Variants in ARSK observed in about 807,000 individuals in gnomAD.
ARSK encodes the protein arylsulfatase K.
In ARSK, 37 loss-of-function variants were observed where a neutral mutation model predicts 53.2. The ratio of observed to expected loss-of-function variants is 0.70; its 90% CI spans 0.54 to 0.92. ARSK has a LOEUF of 0.92. Among genes scored for constraint, ARSK ranks in the 40% least tolerant of loss-of-function variants. The pLI, the probability that ARSK is intolerant of heterozygous loss-of-function variation, is 0.00. For synonymous variants in ARSK, 208 were observed against 223.2 expected, an observed-to-expected ratio of 0.93 and a Z score of 0.61; for missense variants, 613 against 643.0, an observed-to-expected ratio of 0.95 and a Z score of 0.51.
intron 6 of ARSK, among the ~76,000 whole-genome samples, chr5:95,597,251 A>C (rs938687283): frequency 6.6e-6 from 1 of 152,198 alleles, no homozygotes; most frequent in South Asian, 2.1e-4. Context: ...CACTTAAAAG[A>C]TAAGTCTAGA....
At chr5:95,566,469 C>T (rs917592478) in intron 2 of ARSK, among the ~76,000 whole-genome samples, 8 of 152,190 alleles carry the variant, frequency 5.3e-5, no homozygotes, top group Admixed American at 1.3e-4. Flanking sequence ...TTTTCAGTAA[C>T]GGTATAGGTA....
intron 3 of ARSK, among the ~76,000 whole-genome samples, chr5:95,575,511 G>T (rs1748910748): frequency 6.6e-6 from 1 of 152,126 alleles, no homozygotes; most frequent in Non-Finnish European, 1.5e-5. Context: ...CATGAACATG[G>T]AATATCTTTT....
chr5:95,596,054 CTT>C (rs1169682401), intron 6 of ARSK, among the ~76,000 whole-genome samples: 1 of 152,148 alleles, frequency 6.6e-6, no homozygotes, highest in Non-Finnish European at 1.5e-5. Flanking sequence ...TGAGGCTACT[CTT>C]TATTTAACAG....
chr5:95,561,483 T>A (rs1290854312), intron 1 of ARSK, among the ~76,000 whole-genome samples: 1 of 152,246 alleles, frequency 6.6e-6, no homozygotes, highest in African/African-American at 2.4e-5. Context: ...ATAATGTTCA[T>A]TATACATAAT....
intron 4 of ARSK, among the ~76,000 whole-genome samples, chr5:95,584,574 G>A (rs1749077231): frequency 6.6e-6 from 1 of 152,104 alleles, no homozygotes; most frequent in South Asian, 2.1e-4. Flanking sequence ...AAAAGCCTCT[G>A]CACAGCAAAA....
At position 95,567,997 on chromosome 5, in the gene ARSK, C is replaced by T. The variant is rs773350114; in HGVS notation, c.364C>T (p.Arg122Ter). Residue 122 changes from arginine (R) to a stop codon, truncating the protein, a stop_gained, in exon 3 of 8, where the codon CGA (arginine) becomes TGA (stop). Coordinates refer to ENST00000380009, the MANE Select transcript of ARSK (RefSeq NM_198150.3). LOFTEE classifies it high-confidence loss of function. ...WMDVMERHGY[R>*]TQKFGKLDYT... ...GGATGTCATGGAGAGGCATGGCTAC[C>T]GAACACAGAAATTTGGGAAACTGGA... 1.2e-5 allele frequency: 20 copies of T among 1,613,444 alleles called. No homozygotes were observed. The East Asian group carries it at 1.8e-4, about 14-fold the overall frequency.
At chr5:95,570,902 C>T (rs766937557) in intron 3 of ARSK, among the ~76,000 whole-genome samples, 4 of 152,084 alleles carry the variant, frequency 2.6e-5, no homozygotes, top group Non-Finnish European at 4.4e-5. Context: ...CTGCCTCAGC[C>T]TCCTGAGTAG....
intron 5 of ARSK, 128 bp downstream of exon 5, chr5:95,586,861 C>A: frequency 1.4e-6 from 1 of 691,938 alleles, no homozygotes; most frequent in Non-Finnish European, 2.2e-6. Flanking sequence ...TGACACTTAT[C>A]AAAACTTGAT....
intron 6 of ARSK, among the ~76,000 whole-genome samples, chr5:95,597,100 C>G (rs1183377375): frequency 6.6e-6 from 1 of 151,882 alleles, no homozygotes; most frequent in East Asian, 1.9e-4. Flanking sequence ...TCTCTAATAC[C>G]TGGTATCAGC....
chr5:95,593,995 C>A (rs1250547937), intron 6 of ARSK, among the ~76,000 whole-genome samples: 1 of 152,114 alleles, frequency 6.6e-6, no homozygotes, highest in African/African-American at 2.4e-5. Flanking sequence ...GAAATAAAGT[C>A]AAAAATAAAT....
chr5:95,572,933 T>C (rs895391409), intron 3 of ARSK, among the ~76,000 whole-genome samples: 4 of 152,170 alleles, frequency 2.6e-5, no homozygotes, highest in Non-Finnish European at 5.9e-5. Context: ...TTTGACAATG[T>C]CTGGAGACAT....
rs1561357390 is a variant in ARSK, at chr5:95,555,227, G to T, written c.-52G>T. Reference sequence around the variant, plus strand: ...TGCCCTGCTCTGCTAGGGAGAGAACGCCAGAGGGAGGCGGCTGGCCCGGCG... The same window carrying T: ...TGCCCTGCTCTGCTAGGGAGAGAACTCCAGAGGGAGGCGGCTGGCCCGGCG... On this transcript the variant is annotated 5_prime_UTR_variant, in exon 1 of 8. Coordinates refer to ENST00000380009, the MANE Select transcript of ARSK (RefSeq NM_198150.3). The surrounding 1 kb of genome is among the most constrained non-coding windows in gnomAD (Gnocchi z 4.0). The T allele has an allele frequency of 3.3e-6, 5 of 1,526,372 alleles. No individual in the cohort carries two copies. Among genetic ancestry groups the T allele is most frequent in the Non-Finnish European group, 4.4e-6 (5 of 1,132,948 alleles). The allele number at this position is 1,526,372 out of a possible 1,614,324, so 94.6% of individuals were successfully genotyped here.
chr5:95,566,247 A>G, intron 2 of ARSK, 120 bp downstream of exon 2: 1 of 1,246,824 alleles, frequency 8.0e-7, no homozygotes, highest in Non-Finnish European at 1.1e-6. Context: ...AATTGTTTTA[A>G]TATAAAAGAT....
In ARSK at chr5:95,556,401, A is replaced by AT. The variant is rs796629868; in HGVS notation, c.126+1001dup. ...CAGGATTGTGCAGAGGAGAAGCTGAATTTTGTTGCCATCTTATGAATGACA... is the reference window on the plus strand; with the variant it reads ...CAGGATTGTGCAGAGGAGAAGCTGAATTTTTGTTGCCATCTTATGAATGACA... On this transcript the variant is annotated intron_variant, in intron 1 of 7. Coordinates refer to ENST00000380009, the MANE Select transcript of ARSK (RefSeq NM_198150.3). 3 of 591,426 alleles carry AT rather than the reference A, an allele frequency of 5.1e-6. No homozygotes were observed. In the African/African-American group the frequency reaches 5.6e-5, roughly 11 times the overall value. 36.6% of individuals were successfully genotyped at this position (591,426 alleles called of 1,614,324 possible). A position where few individuals can be genotyped will look rare whatever the true frequency, so the allele number is the denominator to read the frequency against.
intron 3 of ARSK, among the ~76,000 whole-genome samples, chr5:95,581,130 A>G (rs1181420305): frequency 6.6e-6 from 1 of 152,210 alleles, no homozygotes; most frequent in Non-Finnish European, 1.5e-5. Context: ...TTAGAGGACA[A>G]TCGCATATTA....
chr5:95,583,333 T>C (rs1749054327), intron 4 of ARSK, 135 bp downstream of exon 4: 1 of 759,410 alleles, frequency 1.3e-6, no homozygotes, highest in African/African-American at 1.8e-5. Flanking sequence ...CAATAACTAG[T>C]ATGATAAAAA....
At chr5:95,590,205 A>G (rs1312265787) in intron 5 of ARSK, among the ~76,000 whole-genome samples, 7 of 152,178 alleles carry the variant, frequency 4.6e-5, no homozygotes. Context: ...GAAGAATAGG[A>G]ATTTGTCAAG....
chr5:95,563,852 T>C (rs1050643568), intron 1 of ARSK, among the ~76,000 whole-genome samples: 1 of 152,120 alleles, frequency 6.6e-6, no homozygotes, highest in African/African-American at 2.4e-5. Flanking sequence ...CAAATTGTTA[T>C]CTCCCCATGT....
rs376473575 is a variant in ARSK at position 95,577,396 on chromosome 5, T to C, written c.417-5520T>C. On this transcript the variant is annotated intron_variant, in intron 3 of 7. Coordinates refer to ENST00000380009, the MANE Select transcript of ARSK (RefSeq NM_198150.3). ...ACAGTTTTTTCCATAAAGTAGTCTT[T>C]GGCATTTATTTTTAAAAGTACAATA... Among the ~76,000 whole-genome samples the C allele has an allele frequency of 1.8e-4, 27 of 152,352 alleles. 1 individual carries two copies. The highest frequency in any genetic ancestry group is 3.4e-3 in the Middle Eastern group (1 of 294).
Sources: allele counts gnomAD v4.1 joint callset (sites outside exome capture counted in the v4.1 genomes callset), GRCh38; gene constraint gnomAD v4.1.1; non-coding constraint Gnocchi (gnomAD v3.1); transcripts MANE v1.5; gene names NCBI Gene and HGNC (gene_info 2026-07-23, HGNC 2026-07-21).